Variants in BICD1 observed in about 807,000 individuals in gnomAD.
The protein encoded by BICD1 is protein bicaudal D homolog 1.
In BICD1, 35 loss-of-function variants were observed where a neutral mutation model predicts 92.5. That is an observed-to-expected ratio of 0.38 (90% confidence interval 0.29 to 0.50). The LOEUF is 0.50. BICD1 is among the 20% of genes least tolerant of loss of function. BICD1 has a pLI of 0.93. For missense variants in BICD1, 950 were observed against 1,189.8 expected, an observed-to-expected ratio of 0.80 and a Z score of 2.97; for synonymous variants, 429 against 465.1, an observed-to-expected ratio of 0.92 and a Z score of 1.00.
chr12:32,142,092 A>G (rs1023695235), intron 1 of BICD1, among the ~76,000 whole-genome samples: 3 of 152,138 alleles, frequency 2.0e-5, no homozygotes, highest in Non-Finnish European at 4.4e-5. Flanking sequence ...CTGAAACTCT[A>G]TTGAAGTATG....
At chr12:32,209,774 AAG>A (rs1386815567) in intron 1 of BICD1, among the ~76,000 whole-genome samples, 1 of 152,062 alleles carries the variant, frequency 6.6e-6, no homozygotes, top group African/African-American at 2.4e-5. Flanking sequence ...TCTCTGCCCA[AAG>A]GTCACCTCTT....
chr12:32,129,741 C>G (rs1942472401), intron 1 of BICD1, among the ~76,000 whole-genome samples: 2 of 152,060 alleles, frequency 1.3e-5, no homozygotes, highest in African/African-American at 4.8e-5. Context: ...CCTTTTCTTT[C>G]TCATCTTCTT....
intron 2 of BICD1, among the ~76,000 whole-genome samples, chr12:32,248,847 T>C (rs1025988691): frequency 7.2e-5 from 11 of 152,236 alleles, no homozygotes; most frequent in African/African-American, 2.4e-4. Context: ...CCCTTCACAG[T>C]TGAATACTGT....
chr12:32,157,804 T>A (rs913793447), intron 1 of BICD1, among the ~76,000 whole-genome samples: 1 of 152,182 alleles, frequency 6.6e-6, no homozygotes, highest in Non-Finnish European at 1.5e-5. Context: ...TGTTTCCACG[T>A]ATTCACTGCA....
chr12:32,278,647 A>G (rs1404663163), intron 2 of BICD1, among the ~76,000 whole-genome samples: 1 of 152,136 alleles, frequency 6.6e-6, no homozygotes, highest in Non-Finnish European at 1.5e-5. Flanking sequence ...AGGTCAGGAG[A>G]TCGAGACCAT....
chr12:32,329,137 C>T (rs1937711037), intron 5 of BICD1, among the ~76,000 whole-genome samples: 1 of 151,962 alleles, frequency 6.6e-6, no homozygotes, highest in Non-Finnish European at 1.5e-5. Context: ...CAGAGTCTCG[C>T]TCTGTTGTCC....
chr12:32,332,825 G>T, intron 5 of BICD1: 1 of 969,810 alleles, frequency 1.0e-6, no homozygotes, highest in Non-Finnish European at 1.2e-6. Flanking sequence ...ATATATTCAG[G>T]GAATGCTCAC....
At chr12:32,297,208 G>GT (rs1207510610) in intron 3 of BICD1, among the ~76,000 whole-genome samples, 10 of 152,008 alleles carry the variant, frequency 6.6e-5, no homozygotes, top group Non-Finnish European at 1.3e-4. Flanking sequence ...AAGTTTTTTG[G>GT]TTTTTTGGGG....
In BICD1 at chr12:32,346,578, A is replaced by ACGTGTG. The variant is rs1565687190; in HGVS notation, c.2764+7599_2764+7600insCGTGTG. Reference sequence around the variant, plus strand: ...TATATATATATATATATATATATATATATACGTGTATATATATATATATAT... The same window carrying ACGTGTG: ...TATATATATATATATATATATATATACGTGTGTATACGTGTATATATATATATATAT... On this transcript the variant is annotated intron_variant, in intron 8 of 9. Coordinates refer to ENST00000652176, the MANE Select transcript of BICD1 (RefSeq NM_001714.4). Among the ~76,000 whole-genome samples, 7 of 26,210 alleles carry ACGTGTG rather than the reference A, an allele frequency of 2.7e-4. 1 individual carries two copies. The highest frequency in any genetic ancestry group is 3.4e-4 in the Non-Finnish European group (6 of 17,632). The allele number at this position is 26,210 out of a possible 152,430, so 17.2% of individuals were successfully genotyped here. A position where few individuals can be genotyped will look rare whatever the true frequency, so the allele number is the denominator to read the frequency against.
At chr12:32,199,412 C>G (rs1022003219) in intron 1 of BICD1, among the ~76,000 whole-genome samples, 1 of 152,106 alleles carries the variant, frequency 6.6e-6, no homozygotes, top group Non-Finnish European at 1.5e-5. Flanking sequence ...CCACAAGATG[C>G]TCCTGGTGTT....
At chr12:32,201,455 T>C (rs1208869124) in intron 1 of BICD1, among the ~76,000 whole-genome samples, 2 of 151,640 alleles carry the variant, frequency 1.3e-5, no homozygotes, top group Non-Finnish European at 2.9e-5. Flanking sequence ...AGGCACTCAG[T>C]AAATATTGGA....
At chr12:32,293,083 C>G (rs903275493) in intron 2 of BICD1, among the ~76,000 whole-genome samples, 1 of 152,026 alleles carries the variant, frequency 6.6e-6, no homozygotes, top group Non-Finnish European at 1.5e-5. Context: ...TCTCCTTATC[C>G]CTGTGGCTTG....
chr12:32,108,795 A>G, intron 1 of BICD1: 1 of 566,546 alleles, frequency 1.8e-6, no homozygotes, highest in East Asian at 2.9e-5. Context: ...TAAAAATCCC[A>G]ACTAGGAATC....
At chr12:32,158,726 T>C (rs1943516645) in intron 1 of BICD1, among the ~76,000 whole-genome samples, 1 of 152,222 alleles carries the variant, frequency 6.6e-6, no homozygotes, top group African/African-American at 2.4e-5. Flanking sequence ...TTAGAACCTC[T>C]GCTGCATCCT....
intron 1 of BICD1, chr12:32,107,973 C>T: frequency 8.9e-6 from 4 of 451,778 alleles, no homozygotes; most frequent in Non-Finnish European, 1.6e-5. Flanking sequence ...GACTGTGTGG[C>T]ACCTCAGCTT....
At chr12:32,351,088 G>A (rs1051403276) in intron 8 of BICD1, among the ~76,000 whole-genome samples, 15 of 151,302 alleles carry the variant, frequency 9.9e-5, no homozygotes, top group Non-Finnish European at 2.2e-4. Flanking sequence ...TTCTGGAGCC[G>A]GCCCTCTTGT....
intron 6 of BICD1, among the ~76,000 whole-genome samples, chr12:32,336,956 A>T (rs1188413123): frequency 6.6e-6 from 1 of 152,222 alleles, no homozygotes; most frequent in Non-Finnish European, 1.5e-5. Flanking sequence ...TTTAAAAAAT[A>T]ATAATGACTG....
At chr12:32,226,756 G>A (rs1459997302) in intron 2 of BICD1, among the ~76,000 whole-genome samples, 1 of 151,500 alleles carries the variant, frequency 6.6e-6, no homozygotes, top group Non-Finnish European at 1.5e-5. Flanking sequence ...CTTCTAGATG[G>A]AAGGGAGAGG....
intron 2 of BICD1, among the ~76,000 whole-genome samples, chr12:32,251,975 A>C (rs1946532846): frequency 1.7e-5 from 1 of 59,226 alleles, no homozygotes; most frequent in Admixed American, 1.5e-4. Context: ...TTAAAACTTT[A>C]CCACTATATA....
Sources: gnomAD v4.1 joint callset for allele counts (sites outside exome capture counted in the v4.1 genomes callset) on GRCh38, gnomAD v4.1.1 for gene constraint, MANE v1.5 for transcripts, NCBI Gene and HGNC (gene_info 2026-07-23, HGNC 2026-07-21) for gene names.